FAAH2: variants seen among roughly 807,000 people sequenced by gnomAD.
FAAH2 encodes the protein fatty-acid amide hydrolase 2.
FAAH2 carries 60 observed loss-of-function variants against 36.9 expected under a neutral mutation model. The ratio of observed to expected loss-of-function variants is 1.63; its 90% CI spans 1.32 to 2.02. The LOEUF is 2.02. FAAH2 is among the 30% of genes most tolerant of loss of function. FAAH2 has a pLI of 0.00. For synonymous variants in FAAH2, 214 were observed against 143.8 expected, an observed-to-expected ratio of 1.49 and a Z score of -3.49; for missense variants, 689 against 397.5, an observed-to-expected ratio of 1.73 and a Z score of -6.23.
At chrX:57,485,639 T>A (rs1009063884) in intron 10 of FAAH2, among the ~76,000 whole-genome samples, 40 of 112,120 alleles carry the variant, frequency 3.6e-4, no homozygotes, top group Non-Finnish European at 7.5e-5. Context: ...TTTCTTATAC[T>A]TTCTTTAACT....
chrX:57,292,297 A>C (rs1451641159), intron 1 of FAAH2, among the ~76,000 whole-genome samples: 2 of 111,605 alleles, frequency 1.8e-5, no homozygotes. Context: ...TTATACTGGT[A>C]TATTCCTGAC....
chrX:57,446,871 G>T (rs1379314677), intron 8 of FAAH2, 57 bp from the exon 9 acceptor site: 5 of 859,067 alleles, frequency 5.8e-6, no homozygotes, highest in Non-Finnish European at 8.4e-6. Flanking sequence ...TAGGTGTTTT[G>T]GTCTTTACTA....
intron 7 of FAAH2, among the ~76,000 whole-genome samples, chrX:57,426,463 C>A (rs977401858): frequency 9.0e-6 from 1 of 111,471 alleles, no homozygotes; most frequent in African/African-American, 3.3e-5. Context: ...CTCCAATCGG[C>A]TCATGGAAAA....
the FAAH2 span, among the ~76,000 whole-genome samples, chrX:57,195,440 T>G: frequency 8.9e-6 from 1 of 111,923 alleles, no homozygotes; most frequent in Non-Finnish European, 1.9e-5. Flanking sequence ...TTTATCCCAC[T>G]TTTTGACGGG....
At chrX:57,135,434 C>T in the FAAH2 span, 2 of 190,609 alleles carry the variant, frequency 1.0e-5, no homozygotes, top group East Asian at 2.8e-4. Flanking sequence ...TAAGCAGTCA[C>T]CTCCTCCTCT....
intron 10 of FAAH2, among the ~76,000 whole-genome samples, chrX:57,472,878 A>G (rs1048352520): frequency 1.8e-5 from 2 of 111,179 alleles, no homozygotes; most frequent in African/African-American, 6.5e-5. Context: ...TATCACCTTC[A>G]TCATTTCTGA....
the FAAH2 span, among the ~76,000 whole-genome samples, chrX:57,192,363 G>A: frequency 9.0e-6 from 1 of 111,389 alleles, no homozygotes; most frequent in African/African-American, 3.3e-5. Flanking sequence ...CATCTTTAAA[G>A]TTTTCCAAAC....
chrX:57,330,436 C>T (rs935715517), intron 3 of FAAH2, among the ~76,000 whole-genome samples: 1 of 111,732 alleles, frequency 8.9e-6, no homozygotes, highest in African/African-American at 3.3e-5. Context: ...CAAACCCTGT[C>T]TCCTGATAAG....
chrX:57,428,488 A>G (rs1430427117), intron 7 of FAAH2, among the ~76,000 whole-genome samples: 1 of 111,960 alleles, frequency 8.9e-6, no homozygotes, highest in Non-Finnish European at 1.9e-5. Context: ...CTAATTTCAA[A>G]TTATATTACA....
chrX:57,421,027 A>G (rs958152906), intron 7 of FAAH2, among the ~76,000 whole-genome samples: 1 of 112,350 alleles, frequency 8.9e-6, no homozygotes, highest in Non-Finnish European at 1.9e-5. Context: ...ACAGTAATCA[A>G]CCTGCATTAT....
intron 7 of FAAH2, among the ~76,000 whole-genome samples, chrX:57,419,670 C>T (rs1297331703): frequency 9.9e-5 from 11 of 111,537 alleles, no homozygotes. Context: ...TTGTAGGTTG[C>T]CTGTTCACTC....
At chrX:57,445,824 A>G (rs2056662185) in intron 8 of FAAH2, among the ~76,000 whole-genome samples, 1 of 112,279 alleles carries the variant, frequency 8.9e-6, no homozygotes, top group Admixed American at 9.4e-5. Flanking sequence ...ACCACAGCTG[A>G]TGTTGTACTA....
intron 10 of FAAH2, among the ~76,000 whole-genome samples, chrX:57,461,497 T>C (rs988455809): frequency 9.0e-6 from 1 of 111,483 alleles, no homozygotes; most frequent in Non-Finnish European, 1.9e-5. Flanking sequence ...ATTAAGAAAC[T>C]CACTCAAAAC....
chrX:57,202,753 C>G, the FAAH2 span, among the ~76,000 whole-genome samples: 1 of 112,161 alleles, frequency 8.9e-6, no homozygotes, highest in African/African-American at 3.2e-5. Context: ...CTGGGAAAGT[C>G]TGTAGATGTC....
At chrX:57,396,782 T>C (rs927400812) in intron 7 of FAAH2, among the ~76,000 whole-genome samples, 1 of 112,026 alleles carries the variant, frequency 8.9e-6, no homozygotes, top group Non-Finnish European at 1.9e-5. Context: ...ATGTTCTATA[T>C]GCAGATAAGA....
chrX:57,252,617 AG>A, the FAAH2 span, among the ~76,000 whole-genome samples: 1 of 112,170 alleles, frequency 8.9e-6, no homozygotes, highest in South Asian at 3.8e-4. Context: ...GGTGATACCC[AG>A]GCAAACAGGG....
chrX:57,433,413 C>T (rs1266525801), intron 8 of FAAH2, among the ~76,000 whole-genome samples: 2 of 111,369 alleles, frequency 1.8e-5, no homozygotes, highest in Non-Finnish European at 3.8e-5. Flanking sequence ...AGGGATGTGG[C>T]CATTTTCTAA....
intron 10 of FAAH2, among the ~76,000 whole-genome samples, chrX:57,480,610 T>C (rs1206002560): frequency 8.9e-6 from 1 of 112,351 alleles, no homozygotes; most frequent in Non-Finnish European, 1.9e-5. Flanking sequence ...TAATCCATTA[T>C]TGGTCTGTTC....
At chrX:57,234,440 T>C in the FAAH2 span, among the ~76,000 whole-genome samples, 1 of 111,937 alleles carries the variant, frequency 8.9e-6, no homozygotes, top group Non-Finnish European at 1.9e-5. Context: ...CCTTTCACTA[T>C]ATTTTTACAT....
Sources: allele counts gnomAD v4.1 joint callset (sites outside exome capture counted in the v4.1 genomes callset), GRCh38; gene constraint gnomAD v4.1.1; transcripts MANE v1.5; gene names NCBI Gene and HGNC (gene_info 2026-07-23, HGNC 2026-07-21).